CNOT4: variants seen among roughly 807,000 people sequenced by gnomAD.
CNOT4 encodes CCR4-associated factor 4.
A neutral mutation model predicts 73.8 loss-of-function variants in CNOT4; 8 were observed. The ratio of observed to expected loss-of-function variants is 0.11; its 90% CI spans 0.06 to 0.20. The LOEUF (loss-of-function observed/expected upper bound fraction) is 0.20, where lower values mean the gene tolerates loss of function less well. Ranked by LOEUF, CNOT4 falls within the 10% of genes least tolerant of loss-of-function variation. CNOT4 has a pLI of 1.00. For missense variants in CNOT4, 564 were observed against 883.4 expected (o/e 0.64, Z 4.58); for synonymous variants, 293 against 321.1 (o/e 0.91, Z 0.94).
chr7:135,399,864 T>C (rs933766356), intron 7 of CNOT4, among the ~76,000 whole-genome samples: 4 of 152,082 alleles, frequency 2.6e-5, no homozygotes, highest in Admixed American at 2.6e-4. Context: ...AGTTTAAAGA[T>C]ATAGACCTGA....
chr7:135,375,667 G>A (rs1795476818), intron 10 of CNOT4, among the ~76,000 whole-genome samples: 1 of 152,226 alleles, frequency 6.6e-6, no homozygotes, highest in South Asian at 2.1e-4. Context: ...GCTCACGCCT[G>A]TAATCCCAGC....
At chr7:135,449,338 T>A (rs1438663051) in intron 1 of CNOT4, among the ~76,000 whole-genome samples, 1 of 152,198 alleles carries the variant, frequency 6.6e-6, no homozygotes, top group Non-Finnish European at 1.5e-5. Context: ...ATCTACTTTA[T>A]AACGAAACTG....
In CNOT4 at chr7:135,394,106, T is replaced by C; in HGVS notation, c.1439A>G (p.Gln480Arg). Residue 480 changes from glutamine to arginine, a missense_variant, in exon 10 of 12, where the codon CAG becomes CGG. Gln to Arg is a conservative substitution (Grantham distance 43). This residue lies in a region of CNOT4 where 153 missense variants were observed against 158.7 expected (regional missense o/e 0.96). Coordinates refer to ENST00000541284, the MANE Select transcript of CNOT4 (RefSeq NM_001190850.2). Reference protein sequence around the residue: ...SVLPQRFPQFQQHRAVYNSFS... With the variant: ...SVLPQRFPQFRQHRAVYNSFS... ...TGAATTATAAACCGCTCGGTGCTGC[T>C]GAAATTGAGGGAACCTCTGGGGCAA... The C allele has an allele frequency of 6.2e-7, 1 of 1,614,176 alleles. No individual in the cohort carries two copies.
rs1036973746 is a variant in CNOT4, at chr7:135,384,409, C to T, written c.1627+9509G>A. The T allele has an allele frequency of 1.2e-4, 44 of 356,262 alleles. 1 individual carries two copies. Among genetic ancestry groups the T allele is most frequent in the African/African-American group, 5.1e-4 (24 of 46,846 alleles). 22.1% of individuals were successfully genotyped at this position (356,262 alleles called of 1,614,324 possible). A position where few individuals can be genotyped will look rare whatever the true frequency, so the allele number is the denominator to read the frequency against. On this transcript the variant is annotated intron_variant, in intron 10 of 11. Coordinates refer to ENST00000541284, the MANE Select transcript of CNOT4 (RefSeq NM_001190850.2). ...GCGCCATTCTCCTGCCTCAGCCTCC[C>T]GAGTAGCTGGGGCTACAGGTGCCCG...
At chr7:135,479,037 A>G (rs754291273) in intron 1 of CNOT4, among the ~76,000 whole-genome samples, 87 of 152,118 alleles carry the variant, frequency 5.7e-4, no homozygotes, top group Non-Finnish European at 1.0e-3. Flanking sequence ...TCTACAGATT[A>G]ATTGACATAG....
intron 2 of CNOT4, among the ~76,000 whole-genome samples, chr7:135,429,330 T>C (rs1351972176): frequency 1.3e-5 from 2 of 152,196 alleles, no homozygotes; most frequent in Non-Finnish European, 2.9e-5. Context: ...AATATGCTTC[T>C]AGTCAATTGG....
chr7:135,416,874 C>T (rs919335050), intron 3 of CNOT4, among the ~76,000 whole-genome samples: 1 of 152,084 alleles, frequency 6.6e-6, no homozygotes, highest in African/African-American at 2.4e-5. Flanking sequence ...TCAGGCTAGC[C>T]CCGTACAACA....
intron 7 of CNOT4, among the ~76,000 whole-genome samples, chr7:135,405,568 G>C (rs144075784): frequency 6.6e-6 from 1 of 152,216 alleles, no homozygotes; most frequent in African/African-American, 2.4e-5. Flanking sequence ...CTCATTACTT[G>C]TATTCATCAT....
At chr7:135,430,751 C>G (rs142123065) in intron 2 of CNOT4, among the ~76,000 whole-genome samples, 2 of 152,212 alleles carry the variant, frequency 1.3e-5, no homozygotes, top group Non-Finnish European at 2.9e-5. Context: ...AAATTCAACA[C>G]CATTCATGAT....
chr7:135,394,502 T>A (rs576341535), intron 9 of CNOT4, 87 bp from the exon 10 acceptor site: 2 of 1,154,520 alleles, frequency 1.7e-6, no homozygotes, highest in Admixed American at 2.3e-5. Context: ...AAGTTAAACA[T>A]GTCATTTTAC....
chr7:135,484,321 C>A (rs565333315), intron 1 of CNOT4, among the ~76,000 whole-genome samples: 1 of 152,044 alleles, frequency 6.6e-6, no homozygotes, highest in Non-Finnish European at 1.5e-5. Context: ...CCAGCCAGCA[C>A]AAGAAAATAA....
At chr7:135,385,603 G>A (rs527773244) in intron 10 of CNOT4, among the ~76,000 whole-genome samples, 7 of 152,172 alleles carry the variant, frequency 4.6e-5, no homozygotes, top group Admixed American at 2.6e-4. Flanking sequence ...TCACACACAC[G>A]TAGAATAATG....
At chr7:135,395,914 A>T (rs368236968) in intron 8 of CNOT4, 31 bp from the exon 9 acceptor site, 1 of 1,453,960 alleles carries the variant, frequency 6.9e-7, no homozygotes, top group Non-Finnish European at 9.6e-7. Context: ...AATAATAACT[A>T]CATGTTTATA....
At position 135,444,602 on chromosome 7, in the gene CNOT4, C is replaced by A; in HGVS notation, c.-92-6179G>T. 9.0e-6 allele frequency: 12 copies of A among 1,336,904 alleles called. No individual in the cohort carries two copies. The South Asian group carries it at 1.4e-4, about 16-fold the overall frequency. 82.8% of individuals were successfully genotyped at this position (1,336,904 alleles called of 1,614,324 possible). A position where few individuals can be genotyped will look rare whatever the true frequency, so the allele number is the denominator to read the frequency against. On this transcript the variant is annotated intron_variant, in intron 1 of 11. Transcript: ENST00000541284. The stretch of plus-strand genomic sequence containing the variant: ...AATGATGTGGAGTACAGCACATACA[C>A]TTGTCACCGAGCCACCATTCTGGTT...
chr7:135,387,550 C>T (rs1047598759), intron 10 of CNOT4: 2 of 956,984 alleles, frequency 2.1e-6, no homozygotes, highest in Non-Finnish European at 2.5e-6. Context: ...TATCCCCTTT[C>T]ATACTTTTTT....
At chr7:135,422,440 T>A (rs903427223) in intron 2 of CNOT4, 87 bp from the exon 3 acceptor site, 7 of 697,668 alleles carry the variant, frequency 1.0e-5, no homozygotes, top group Non-Finnish European at 1.8e-5. Context: ...GTGGTGGGTA[T>A]GTGGTTATCT....
intron 1 of CNOT4, among the ~76,000 whole-genome samples, chr7:135,507,276 T>C (rs1482076987): frequency 6.6e-6 from 1 of 152,210 alleles, no homozygotes; most frequent in East Asian, 1.9e-4. Flanking sequence ...AAAACCTTCT[T>C]ACAGAAATAA....
intron 1 of CNOT4, among the ~76,000 whole-genome samples, chr7:135,469,946 C>T (rs1801470820): frequency 6.6e-6 from 1 of 151,930 alleles, no homozygotes; most frequent in South Asian, 2.1e-4. Flanking sequence ...CTGAGCCTCC[C>T]GAGTAGCTGG....
At chr7:135,505,469 T>C (rs1225600503) in intron 1 of CNOT4, among the ~76,000 whole-genome samples, 1 of 152,092 alleles carries the variant, frequency 6.6e-6, no homozygotes, top group African/African-American at 2.4e-5. Context: ...GGAGGATTGC[T>C]TGAACCTGGG....
Sources: gnomAD v4.1 joint callset for allele counts (sites outside exome capture counted in the v4.1 genomes callset) on GRCh38, gnomAD v4.1.1 for gene constraint, gnomAD v4.1.1 regional missense constraint, MANE v1.5 for transcripts, NCBI Gene and HGNC (gene_info 2026-07-23, HGNC 2026-07-21) for gene names.